Variants in ZNF138 observed in about 807,000 individuals in gnomAD.
ZNF138 encodes the protein zinc finger protein 138.
ZNF138 carries 33 observed loss-of-function variants against 33.0 expected under a neutral mutation model. The observed-to-expected ratio is 1.00, with a 90% CI of 0.76 to 1.34. The LOEUF (loss-of-function observed/expected upper bound fraction) is 1.34, where lower values mean the gene tolerates loss of function less well. ZNF138 is among the 40% of genes most tolerant of loss of function. ZNF138 has a pLI of 0.00. For synonymous variants in ZNF138, 139 were observed against 120.4 expected (o/e 1.15, Z -1.01); for missense variants, 360 against 370.8 (o/e 0.97, Z 0.24).
At chr7:64,804,695 C>T (rs1213576536) in intron 1 of ZNF138, among the ~76,000 whole-genome samples, 2 of 152,152 alleles carry the variant, frequency 1.3e-5, no homozygotes, top group Non-Finnish European at 2.9e-5. Flanking sequence ...GCACAAGAAT[C>T]ACATGAACTC....
chr7:64,823,157 G>A (rs1789305353), intron 3 of ZNF138, among the ~76,000 whole-genome samples: 1 of 152,142 alleles, frequency 6.6e-6, no homozygotes, highest in East Asian at 1.9e-4. Context: ...TGGGATTACA[G>A]GCATGAGCCA....
At chr7:64,830,709 A>G (rs866440926) in intron 3 of ZNF138, among the ~76,000 whole-genome samples, 41 of 152,270 alleles carry the variant, frequency 2.7e-4, no homozygotes, top group African/African-American at 8.9e-4. Context: ...TATACATTGT[A>G]ATCTTCAATT....
intron 3 of ZNF138, among the ~76,000 whole-genome samples, chr7:64,818,324 T>G (rs926199458): frequency 9.9e-5 from 15 of 152,166 alleles, no homozygotes; most frequent in Non-Finnish European, 1.3e-4. Context: ...TCTAACTATA[T>G]TTTACAAAGT....
intron 3 of ZNF138, among the ~76,000 whole-genome samples, chr7:64,825,126 G>C (rs530040396): frequency 7.7e-6 from 1 of 129,704 alleles, no homozygotes; most frequent in East Asian, 2.7e-4. Context: ...CCTAAAATGA[G>C]TCTCTTGTAG....
chr7:64,852,462 G>C, the ZNF138 span: 1 of 1,583,376 alleles, frequency 6.3e-7, no homozygotes, highest in South Asian at 1.1e-5. Context: ...TCGATGATCA[G>C]GGGTTTGTCT....
At chr7:64,826,902 G>A (rs983896054) in intron 3 of ZNF138, among the ~76,000 whole-genome samples, 8 of 151,182 alleles carry the variant, frequency 5.3e-5, no homozygotes, top group East Asian at 2.0e-4. Context: ...CACCTGCCTC[G>A]GCCTCCCAAA....
chr7:64,823,425 T>A (rs1288297403), intron 3 of ZNF138, among the ~76,000 whole-genome samples: 2 of 151,972 alleles, frequency 1.3e-5, no homozygotes, highest in Non-Finnish European at 2.9e-5. Flanking sequence ...AGCCTCAGCC[T>A]CCTGGGCTCA....
intron 1 of ZNF138, among the ~76,000 whole-genome samples, chr7:64,809,217 A>AC (rs1204281385): frequency 7.0e-5 from 3 of 43,056 alleles, no homozygotes; most frequent in Non-Finnish European, 9.5e-5. Context: ...CGGGGGGCTG[A>AC]CCCCCCCACC....
chr7:64,804,301 G>C (rs944299336), intron 1 of ZNF138, among the ~76,000 whole-genome samples: 1 of 152,106 alleles, frequency 6.6e-6, no homozygotes, highest in Non-Finnish European at 1.5e-5. Context: ...GTTCTGTTCC[G>C]TTCTAATTAC....
At chr7:64,824,718 T>A (rs1012578522) in intron 3 of ZNF138, among the ~76,000 whole-genome samples, 1 of 152,180 alleles carries the variant, frequency 6.6e-6, no homozygotes, top group African/African-American at 2.4e-5. Flanking sequence ...ATAATATCAG[T>A]TTTTGTCTCT....
At chr7:64,816,420 T>A (rs1583843260) in intron 3 of ZNF138, among the ~76,000 whole-genome samples, 1 of 152,114 alleles carries the variant, frequency 6.6e-6, no homozygotes, top group East Asian at 1.9e-4. Flanking sequence ...TTTGGTTAAA[T>A]TTGTTCTCAG....
the ZNF138 span, among the ~76,000 whole-genome samples, chr7:64,860,350 T>C: frequency 6.6e-6 from 1 of 152,206 alleles, no homozygotes; most frequent in Non-Finnish European, 1.5e-5. Flanking sequence ...TAGTCAATAT[T>C]CTGTGCAATT....
chr7:64,853,957 C>A, the ZNF138 span, among the ~76,000 whole-genome samples: 1 of 151,326 alleles, frequency 6.6e-6, no homozygotes, highest in Non-Finnish European at 1.5e-5. Context: ...GAGCCGAGAT[C>A]GAGTCACTGC....
At chr7:64,833,951 C>T (rs1376393744), downstream of ZNF138, among the ~76,000 whole-genome samples, 1 of 152,154 alleles carries the variant, frequency 6.6e-6, no homozygotes, top group African/African-American at 2.4e-5. Flanking sequence ...ATCTCGAACT[C>T]CTGACTTGAA....
chr7:64,801,788 T>C (rs1200981184), intron 1 of ZNF138, among the ~76,000 whole-genome samples: 1 of 152,168 alleles, frequency 6.6e-6, no homozygotes, highest in East Asian at 1.9e-4. Context: ...AATCTAAGTC[T>C]CTTCATAAAT....
intron 3 of ZNF138, among the ~76,000 whole-genome samples, chr7:64,828,141 C>A (rs1038129519): frequency 2.7e-5 from 4 of 150,876 alleles, no homozygotes; most frequent in Admixed American, 6.6e-5. Context: ...AGAGAAAAAA[C>A]TTTTGGATTT....
intron 3 of ZNF138, among the ~76,000 whole-genome samples, chr7:64,830,474 T>C (rs1350329865): frequency 2.0e-5 from 3 of 152,142 alleles, no homozygotes; most frequent in Non-Finnish European, 4.4e-5. Context: ...TATTTGTGCA[T>C]CTTTTTTTGT....
At chr7:64,814,113 A>T (rs764886501) in intron 1 of ZNF138, 43 of 1,224,846 alleles carry the variant, frequency 3.5e-5, no homozygotes, top group Non-Finnish European at 4.0e-5. Context: ...ATTTAACAAG[A>T]TATTCTTCTT....
the ZNF138 span, among the ~76,000 whole-genome samples, chr7:64,839,430 C>T: frequency 0.062 from 9,483 of 152,108 alleles, 338 homozygotes; most frequent in East Asian, 0.14. Context: ...CCTGGAGCCT[C>T]GGATCGGCTA....
Sources: allele counts gnomAD v4.1 joint callset (sites outside exome capture counted in the v4.1 genomes callset), GRCh38; gene constraint gnomAD v4.1.1; transcripts MANE v1.5; gene names NCBI Gene and HGNC (gene_info 2026-07-23, HGNC 2026-07-21).